Variants in PLAC1 observed in about 807,000 individuals in gnomAD.
PLAC1 encodes the protein placenta-specific protein 1.
For synonymous variants in PLAC1, 68 were observed against 62.1 expected (o/e 1.09, Z -0.44); for missense variants, 136 against 163.2 (o/e 0.83, Z 0.91).
At chrX:134,624,199 A>G (rs2078224517) in intron 1 of PLAC1, among the ~76,000 whole-genome samples, 1 of 112,236 alleles carries the variant, frequency 8.9e-6, no homozygotes, top group Admixed American at 9.4e-5. Flanking sequence ...GGATTCATCC[A>G]CACTGGAGCC....
intron 2 of PLAC1, among the ~76,000 whole-genome samples, chrX:134,725,580 ACT>A (rs2078671733): frequency 8.9e-6 from 1 of 112,073 alleles, no homozygotes; most frequent in Non-Finnish European, 1.9e-5. Flanking sequence ...TTTGAACATC[ACT>A]GATATATAGA....
chrX:134,610,827 T>G (rs1329993716), intron 1 of PLAC1, among the ~76,000 whole-genome samples: 2 of 111,445 alleles, frequency 1.8e-5, no homozygotes, highest in African/African-American at 6.5e-5. Flanking sequence ...CAATAAATGT[T>G]AATTATTTTA....
intron 2 of PLAC1, among the ~76,000 whole-genome samples, chrX:134,728,210 G>A (rs971931644): frequency 9.0e-6 from 1 of 111,182 alleles, no homozygotes; most frequent in African/African-American, 3.3e-5. Flanking sequence ...GAAGAAAGGA[G>A]TATAAAGAAT....
At chrX:134,739,069 A>G (rs1296526291) in intron 1 of PLAC1, among the ~76,000 whole-genome samples, 2 of 112,297 alleles carry the variant, frequency 1.8e-5, no homozygotes, top group African/African-American at 6.5e-5. Context: ...CTTATCGACA[A>G]GAGATGTTTC....
intron 2 of PLAC1, among the ~76,000 whole-genome samples, chrX:134,583,470 T>G (rs1481280504): frequency 2.0e-5 from 2 of 99,863 alleles, no homozygotes; most frequent in African/African-American, 7.3e-5. Flanking sequence ...GAATTGGAGA[T>G]ATACAGACCT....
chrX:134,570,156 C>A (rs62599411), intron 2 of PLAC1, among the ~76,000 whole-genome samples: 23,964 of 110,928 alleles, frequency 0.22, 2,322 homozygotes, highest in East Asian at 0.33. Context: ...GGTTATAAGT[C>A]ATTCACAACA....
At chrX:134,601,685 A>G (rs909221766) in intron 2 of PLAC1, 1 of 112,516 alleles carries the variant, frequency 8.9e-6, no homozygotes, top group Admixed American at 9.5e-5. Flanking sequence ...AATGAAATAT[A>G]ACAACACATA....
intron 2 of PLAC1, among the ~76,000 whole-genome samples, chrX:134,724,209 A>G (rs1352187835): frequency 8.9e-6 from 1 of 112,309 alleles, no homozygotes; most frequent in Non-Finnish European, 1.9e-5. Flanking sequence ...TGAATAAACT[A>G]TGGTTTAGTC....
At position 134,700,216 on chromosome X, in the gene PLAC1, T is replaced by G. The variant is rs181738121; in HGVS notation, n.174+33219A>C. ...CTATCTGGTTTATTTATATATTTACTTGTTTCTTCTCCCCTAACTCCATGA... is the reference window on the plus strand; with the variant it reads ...CTATCTGGTTTATTTATATATTTACGTGTTTCTTCTCCCCTAACTCCATGA... On this transcript the variant is annotated intron_variant and non_coding_transcript_variant, in intron 2 of 2. Transcript: ENST00000466797. Among the ~76,000 whole-genome samples, 359 of 112,120 alleles carry G rather than the reference T, an allele frequency of 3.2e-3. 1 individual carries two copies. Among genetic ancestry groups the G allele is most frequent in the African/African-American group, 0.011 (342 of 30,914 alleles).
At chrX:134,572,520 G>A (rs968620183) in intron 2 of PLAC1, among the ~76,000 whole-genome samples, 1 of 112,036 alleles carries the variant, frequency 8.9e-6, no homozygotes, top group Non-Finnish European at 1.9e-5. Flanking sequence ...TTGTGTGGAA[G>A]AAGAATTATG....
intron 2 of PLAC1, among the ~76,000 whole-genome samples, chrX:134,584,040 C>T (rs1304563912): frequency 9.2e-6 from 1 of 108,717 alleles, no homozygotes; most frequent in Admixed American, 9.8e-5. Context: ...AAAGAGGTTG[C>T]AGGCAGGCAT....
At chrX:134,706,687 A>G (rs751324389) in intron 2 of PLAC1, among the ~76,000 whole-genome samples, 6 of 111,495 alleles carry the variant, frequency 5.4e-5, no homozygotes, top group African/African-American at 1.9e-4. Flanking sequence ...AATGCACTTG[A>G]AACAAAGGGC....
At chrX:134,705,290 G>C (rs1292911346) in intron 2 of PLAC1, among the ~76,000 whole-genome samples, 1 of 104,790 alleles carries the variant, frequency 9.5e-6, no homozygotes, top group Non-Finnish European at 1.9e-5. Context: ...GTGGTGGCAG[G>C]CACCTATAAT....
At chrX:134,592,302 G>A (rs946418020) in intron 2 of PLAC1, among the ~76,000 whole-genome samples, 1 of 112,007 alleles carries the variant, frequency 8.9e-6, no homozygotes, top group African/African-American at 3.3e-5. Context: ...GATACTTTTT[G>A]TATAAAGTAT....
rs1477986242 is a variant in PLAC1 at position 134,565,966 on chromosome X, A to G, written c.*78T>C. ...AAAGTGCTCACATGAGGGTCACAAGAGCACTTATTTGTCAGACATTTGTAC... is the reference window on the plus strand; with the variant it reads ...AAAGTGCTCACATGAGGGTCACAAGGGCACTTATTTGTCAGACATTTGTAC... On this transcript the variant is annotated 3_prime_UTR_variant, in exon 3 of 3. Transcript: ENST00000359237. The G allele has an allele frequency of 1.0e-5, 9 of 888,627 alleles. No homozygotes were observed. The highest frequency in any genetic ancestry group is 1.6e-6 in the Non-Finnish European group (1 of 629,250). The allele number at this position is 888,627 out of a possible 1,213,427, so 73.2% of individuals were successfully genotyped here.
chrX:134,685,233 A>C (rs958901462), intron 2 of PLAC1, among the ~76,000 whole-genome samples: 2 of 111,646 alleles, frequency 1.8e-5, no homozygotes. Context: ...ACACAAGATC[A>C]TAACTTTTAC....
chrX:134,581,774 C>T (rs904150643), intron 2 of PLAC1, among the ~76,000 whole-genome samples: 4 of 110,961 alleles, frequency 3.6e-5, no homozygotes, highest in Non-Finnish European at 5.7e-5. Context: ...CCACCGAGCC[C>T]GGCCCAGTTT....
chrX:134,643,463 A>T (rs1202309845), intron 1 of PLAC1, among the ~76,000 whole-genome samples: 1 of 111,953 alleles, frequency 8.9e-6, no homozygotes, highest in Non-Finnish European at 1.9e-5. Context: ...AGGACCGAAA[A>T]CTAACTCTAT....
At chrX:134,606,474 T>G (rs1450032316) in intron 1 of PLAC1, among the ~76,000 whole-genome samples, 1 of 110,563 alleles carries the variant, frequency 9.0e-6, no homozygotes, top group Non-Finnish European at 1.9e-5. Context: ...AAAACCACAA[T>G]GAGATACCAT....
Sources: allele counts gnomAD v4.1 joint callset (sites outside exome capture counted in the v4.1 genomes callset), GRCh38; gene constraint gnomAD v4.1.1; transcripts MANE v1.5; gene names NCBI Gene and HGNC (gene_info 2026-07-23, HGNC 2026-07-21).